Variants in TBC1D1 observed in about 807,000 individuals in gnomAD.
TBC1D1 encodes TBC1 domain family member 1, also known as TBC1 (tre-2/USP6, BUB2, cdc16) domain family, member 1.
In TBC1D1, 89 loss-of-function variants were observed where a neutral mutation model predicts 125.6. The ratio of observed to expected loss-of-function variants is 0.71; its 90% CI spans 0.60 to 0.85. TBC1D1 has a LOEUF of 0.85. Ranked by LOEUF, TBC1D1 falls within the 40% of genes least tolerant of loss-of-function variation. TBC1D1 has a pLI of 0.00. For synonymous variants in TBC1D1, 565 were observed against 564.1 expected (o/e 1.00, Z -0.02); for missense variants, 1,377 against 1,469.2 (o/e 0.94, Z 1.03).
chr4:38,124,318 G>A (rs1247186226), intron 17 of TBC1D1, among the ~76,000 whole-genome samples: 1 of 152,126 alleles, frequency 6.6e-6, no homozygotes, highest in Non-Finnish European at 1.5e-5. Flanking sequence ...CTCTTATTCT[G>A]CAGTCTGTAT....
At chr4:37,989,098 T>C (rs1736031808) in intron 2 of TBC1D1, among the ~76,000 whole-genome samples, 1 of 152,220 alleles carries the variant, frequency 6.6e-6, no homozygotes, top group African/African-American at 2.4e-5. Flanking sequence ...TAAAGAATCC[T>C]CTTCACTTTC....
intron 2 of TBC1D1, among the ~76,000 whole-genome samples, chr4:37,967,689 T>C (rs951514735): frequency 3.9e-5 from 6 of 152,204 alleles, no homozygotes; most frequent in Non-Finnish European, 7.3e-5. Flanking sequence ...CTTTTCAGTC[T>C]TATTTTTGAA....
chr4:38,052,631 T>G (rs929870194), intron 11 of TBC1D1, among the ~76,000 whole-genome samples: 2 of 151,968 alleles, frequency 1.3e-5, no homozygotes, highest in Non-Finnish European at 2.9e-5. Context: ...CACTGCACCC[T>G]GCTGCAAATT....
Position 38,045,906 on chromosome 4 carries a change from A to G in TBC1D1, c.1629+3A>G. On this transcript the variant is annotated splice_donor_region_variant and intron_variant, in intron 10 of 19. Transcript: ENST00000261439. ...GTACATTAAGTAACACCAGCAAAGT[A>G]AGCACATTTCTCTTTATACGACACC... 1 of 1,613,478 alleles carries G rather than the reference A, an allele frequency of 6.2e-7. No homozygotes were observed. The highest frequency in any genetic ancestry group is 8.5e-7 in the Non-Finnish European group (1 of 1,179,368).
intron 11 of TBC1D1, 29 bp from the exon 14 acceptor site, chr4:38,054,170 G>T (rs942768903): frequency 2.5e-6 from 4 of 1,609,474 alleles, no homozygotes; most frequent in Non-Finnish European, 3.4e-6. Context: ...CTCCCCACTA[G>T]TCATAAATCA....
chr4:37,938,407 C>T (rs1724836593), intron 2 of TBC1D1, among the ~76,000 whole-genome samples: 1 of 152,094 alleles, frequency 6.6e-6, no homozygotes, highest in African/African-American at 2.4e-5. Flanking sequence ...GGAAGCAGTG[C>T]CTAGGTGCGC....
rs561171610 is a variant in TBC1D1 at position 38,106,387 on chromosome 4, G to A, written c.2557+3230G>A. On this transcript the variant is annotated intron_variant, in intron 15 of 19. Transcript: ENST00000261439. ...GGGACCCTCTGAGCGCAGGAGGCCCGTGTTGCTGTGCAGTGGCAGGCCAAG... is the reference window on the plus strand; with the variant it reads ...GGGACCCTCTGAGCGCAGGAGGCCCATGTTGCTGTGCAGTGGCAGGCCAAG... 1.4e-4 allele frequency among the ~76,000 whole-genome samples: 21 copies of A among 152,326 alleles called. No homozygotes were observed. In the East Asian group the frequency reaches 2.1e-3, roughly 15 times the overall value.
intron 9 of TBC1D1, among the ~76,000 whole-genome samples, chr4:38,045,596 C>T (rs1299933914): frequency 6.6e-6 from 1 of 152,148 alleles, no homozygotes; most frequent in Non-Finnish European, 1.5e-5. Context: ...TGCCAAATTA[C>T]TTAGCCACCA....
At chr4:37,956,625 G>A (rs1271460597) in intron 2 of TBC1D1, among the ~76,000 whole-genome samples, 1 of 152,050 alleles carries the variant, frequency 6.6e-6, no homozygotes, top group African/African-American at 2.4e-5. Flanking sequence ...GCTCAGGGAC[G>A]CCAACTAATG....
In TBC1D1 at chr4:38,014,533, C is replaced by T. The variant is rs751970369; in HGVS notation, c.442C>T (p.Arg148Cys). The change falls in exon 3 of 20, where the codon CGT becomes TGT. Residue 148 changes from arginine to cysteine, a missense_variant. This residue lies in a region of TBC1D1 where 822 missense variants were observed against 824.6 expected (regional missense o/e 1.00). Transcript: ENST00000261439. The surrounding 1 kb of genome is among the most constrained non-coding windows in gnomAD (Gnocchi z 5.1). ...GGTGCCTGAGATCATCAGCTCCATCCGTCAGGCGGGGAAGATCGCCCGGCA... is the reference window on the plus strand; with the variant it reads ...GGTGCCTGAGATCATCAGCTCCATCTGTCAGGCGGGGAAGATCGCCCGGCA... 5.6e-6 allele frequency: 9 copies of T among 1,612,998 alleles called. No homozygotes were observed. The highest frequency in any genetic ancestry group is 1.3e-5 in the African/African-American group (1 of 74,940).
At position 38,056,812 on chromosome 4, in the gene TBC1D1, G is replaced by T. The variant is rs59608961; in HGVS notation, c.2050+2474G>T. On this transcript the variant is annotated intron_variant, in intron 12 of 19. Transcript: ENST00000261439. ...AACAGAGTGAGACCTTGTCTCGCGG[G>T]GTGGGGGAGTCATGTCTATACTTGA... 3.3e-5 allele frequency among the ~76,000 whole-genome samples: 5 copies of T among 151,796 alleles called. No individual in the cohort carries two copies. The South Asian group carries it at 8.3e-4, about 25-fold the overall frequency.
chr4:38,044,857 A>G, intron 9 of TBC1D1, among the ~76,000 whole-genome samples: 1 of 152,178 alleles, frequency 6.6e-6, no homozygotes, highest in Non-Finnish European at 1.5e-5. Flanking sequence ...TGCTGGTGTT[A>G]GCTATCTAAA....
At chr4:38,079,290 G>A (rs940955393) in intron 12 of TBC1D1, among the ~76,000 whole-genome samples, 1 of 152,224 alleles carries the variant, frequency 6.6e-6, no homozygotes, top group African/African-American at 2.4e-5. Flanking sequence ...TGTTATTGCT[G>A]TAATAGTGTA....
intron 2 of TBC1D1, chr4:37,960,489 G>T (rs375394690): frequency 7.4e-6 from 12 of 1,613,942 alleles, no homozygotes; most frequent in Non-Finnish European, 1.0e-5. Context: ...CACCCGTGTG[G>T]CTGCCAAGGA....
intron 6 of TBC1D1, among the ~76,000 whole-genome samples, chr4:38,024,994 G>A (rs2152441483): frequency 6.6e-6 from 1 of 152,298 alleles, no homozygotes; most frequent in Admixed American, 6.5e-5. Flanking sequence ...CAGAAGTGCA[G>A]CTCTACCCAG....
chr4:37,971,243 A>G (rs940858816), intron 2 of TBC1D1, among the ~76,000 whole-genome samples: 3 of 152,198 alleles, frequency 2.0e-5, no homozygotes, highest in Non-Finnish European at 4.4e-5. Context: ...CTGTAGGGAT[A>G]CTGTATTAGT....
At chr4:38,042,150 T>C (rs1447548284) in intron 8 of TBC1D1, among the ~76,000 whole-genome samples, 1 of 152,006 alleles carries the variant, frequency 6.6e-6, no homozygotes, top group Non-Finnish European at 1.5e-5. Context: ...CACTCCAGCC[T>C]GGGTGACAGA....
At chr4:38,100,615 C>T (rs1760139364) in intron 14 of TBC1D1, among the ~76,000 whole-genome samples, 1 of 152,124 alleles carries the variant, frequency 6.6e-6, no homozygotes, top group South Asian at 2.1e-4. Flanking sequence ...TCAACTCACT[C>T]TACAGGGTCA....
At chr4:38,061,474 A>G (rs1250658803) in intron 12 of TBC1D1, among the ~76,000 whole-genome samples, 1 of 152,204 alleles carries the variant, frequency 6.6e-6, no homozygotes, top group African/African-American at 2.4e-5. Context: ...CTAGGGAACA[A>G]TATTAAATTT....
Sources: gnomAD v4.1 joint callset for allele counts (sites outside exome capture counted in the v4.1 genomes callset) on GRCh38, gnomAD v4.1.1 for gene constraint, gnomAD v4.1.1 regional missense constraint, Gnocchi (gnomAD v3.1) non-coding constraint, MANE v1.5 for transcripts, NCBI Gene and HGNC (gene_info 2026-07-23, HGNC 2026-07-21) for gene names.